MYCBP2: variants seen among roughly 807,000 people sequenced by gnomAD.
MYCBP2 encodes MYC binding protein 2.
In MYCBP2, 120 loss-of-function variants were observed where a neutral mutation model predicts 525.3. The ratio of observed to expected loss-of-function variants is 0.23; its 90% confidence interval spans 0.20 to 0.27. The LOEUF (loss-of-function observed/expected upper bound fraction) is 0.27. Among genes scored for constraint, MYCBP2 ranks in the 10% least tolerant of loss-of-function variants. MYCBP2 has a pLI of 1.00. For missense variants in MYCBP2, 4,149 were observed against 5,657.1 expected, an observed-to-expected ratio of 0.73 and a Z score of 8.55; for synonymous variants, 1,894 against 1,955.8, an observed-to-expected ratio of 0.97 and a Z score of 0.83.
intron 1 of MYCBP2, among the ~76,000 whole-genome samples, chr13:77,311,548 AAG>A (rs1233681287): frequency 6.6e-6 from 1 of 151,630 alleles, no homozygotes; most frequent in East Asian, 1.9e-4. Flanking sequence ...TCGGCAGGGA[AAG>A]AGAAGTTTTT....
intron 15 of MYCBP2, 95 bp from the exon 16 acceptor site, chr13:77,244,046 G>C (rs1167810677): frequency 7.4e-7 from 1 of 1,349,258 alleles, no homozygotes; most frequent in Non-Finnish European, 9.7e-7. Flanking sequence ...CCACATTTTT[G>C]AAATTGTTAA....
chr13:77,238,349 A>G (rs1256406172), intron 17 of MYCBP2, among the ~76,000 whole-genome samples: 1 of 151,992 alleles, frequency 6.6e-6, no homozygotes, highest in African/African-American at 2.4e-5. Context: ...GCTCACAATT[A>G]TGAAACTTGG....
intron 41 of MYCBP2, 151 bp downstream of exon 41, chr13:77,166,178 T>C (rs554178226): frequency 1.8e-5 from 11 of 615,336 alleles, no homozygotes; most frequent in Middle Eastern, 4.5e-4. Flanking sequence ...CCAGGGTACC[T>C]TATTTATTCC....
chr13:77,194,266 T>A (rs776744132), intron 26 of MYCBP2, 22 bp from the exon 27 acceptor site: 4 of 1,539,730 alleles, frequency 2.6e-6, no homozygotes, highest in African/African-American at 1.4e-5. Flanking sequence ...AGAAAGACAA[T>A]CATTTATATA....
intron 80 of MYCBP2, among the ~76,000 whole-genome samples, chr13:77,055,003 T>G (rs549160755): frequency 2.0e-5 from 3 of 152,192 alleles, no homozygotes; most frequent in Admixed American, 1.3e-4. Context: ...TCTCAAAAAT[T>G]TTGGGGGGTC....
At chr13:77,284,649 T>A (rs1164055817) in intron 3 of MYCBP2, among the ~76,000 whole-genome samples, 2 of 152,212 alleles carry the variant, frequency 1.3e-5, no homozygotes, top group Non-Finnish European at 2.9e-5. Flanking sequence ...ATAATTTTTT[T>A]AATAAACTGA....
At chr13:77,318,691 T>C (rs890927264) in intron 1 of MYCBP2, among the ~76,000 whole-genome samples, 3 of 152,006 alleles carry the variant, frequency 2.0e-5, no homozygotes, top group South Asian at 2.1e-4. Flanking sequence ...CAGGCGGAGG[T>C]TGCAGTGAGC....
chr13:77,130,176 T>C (rs2052498472), intron 52 of MYCBP2, among the ~76,000 whole-genome samples: 1 of 151,816 alleles, frequency 6.6e-6, no homozygotes, highest in Admixed American at 6.6e-5. Context: ...GTAAATATTA[T>C]GATAAACGGT....
chr13:77,126,262 T>C, intron 53 of MYCBP2, 56 bp downstream of exon 53: 1 of 1,460,194 alleles, frequency 6.8e-7, no homozygotes. Flanking sequence ...GATGCTTTGG[T>C]TGTATTACAT....
At chr13:77,220,689 GC>G (rs2065423225) in intron 20 of MYCBP2, among the ~76,000 whole-genome samples, 1 of 152,042 alleles carries the variant, frequency 6.6e-6, no homozygotes, top group African/African-American at 2.4e-5. Context: ...TAATACATAT[GC>G]TATAGAAGCT....
chr13:77,302,625 T>C (rs1199472646), intron 1 of MYCBP2, among the ~76,000 whole-genome samples: 1 of 152,112 alleles, frequency 6.6e-6, no homozygotes, highest in Non-Finnish European at 1.5e-5. Context: ...GAGACCAATA[T>C]TACAAGAAAT....
At chr13:77,319,057 A>G (rs945867784) in intron 1 of MYCBP2, among the ~76,000 whole-genome samples, 1 of 152,080 alleles carries the variant, frequency 6.6e-6, no homozygotes, top group Non-Finnish European at 1.5e-5. Flanking sequence ...ATCCCATGGT[A>G]TTCTTTTGTG....
chr13:77,188,680 T>C (rs1386293227), intron 30 of MYCBP2, among the ~76,000 whole-genome samples: 2 of 152,208 alleles, frequency 1.3e-5, no homozygotes, highest in African/African-American at 2.4e-5. Flanking sequence ...TGCATTCATA[T>C]ATGATTTACT....
At chr13:77,197,107 G>A (rs986978591) in intron 26 of MYCBP2, among the ~76,000 whole-genome samples, 9 of 152,204 alleles carry the variant, frequency 5.9e-5, no homozygotes, top group Non-Finnish European at 1.0e-4. Flanking sequence ...GGTTAAGGAA[G>A]ATGAGAGCTG....
At chr13:77,203,714 CG>C (rs1417852295) in intron 26 of MYCBP2, among the ~76,000 whole-genome samples, 6 of 152,108 alleles carry the variant, frequency 3.9e-5, no homozygotes, top group Non-Finnish European at 8.8e-5. Flanking sequence ...ATCAATGGAA[CG>C]GAACAGAGCC....
intron 46 of MYCBP2, among the ~76,000 whole-genome samples, chr13:77,152,512 C>T (rs1281649587): frequency 2.0e-5 from 3 of 152,174 alleles, no homozygotes; most frequent in African/African-American, 4.8e-5. Context: ...TTGTATTCCG[C>T]CTAAATGTTG....
At chr13:77,199,423 G>A (rs960373434) in intron 26 of MYCBP2, among the ~76,000 whole-genome samples, 1 of 152,232 alleles carries the variant, frequency 6.6e-6, no homozygotes, top group African/African-American at 2.4e-5. Context: ...TGCTAGCACA[G>A]CAGTCTGAGA....
intron 14 of MYCBP2, among the ~76,000 whole-genome samples, chr13:77,256,606 T>C (rs531018995): frequency 2.9e-4 from 44 of 152,070 alleles, no homozygotes; most frequent in African/African-American, 1.1e-3. Flanking sequence ...GACATATGAA[T>C]AGCAAACAGG....
At chr13:77,182,601 A>G (rs909718808) in intron 32 of MYCBP2, among the ~76,000 whole-genome samples, 1 of 152,228 alleles carries the variant, frequency 6.6e-6, no homozygotes, top group Non-Finnish European at 1.5e-5. Context: ...GAAAAGAACC[A>G]TATCAGACTG....
Sources: gnomAD v4.1 joint callset for allele counts (sites outside exome capture counted in the v4.1 genomes callset) on GRCh38, gnomAD v4.1.1 for gene constraint, MANE v1.5 for transcripts, NCBI Gene and HGNC (gene_info 2026-07-23, HGNC 2026-07-21) for gene names.